Variants in TRIO observed in about 807,000 individuals in gnomAD.
TRIO encodes triple functional domain protein.
Under a neutral mutation model 351.9 loss-of-function variants are expected in TRIO, and 58 were observed. The ratio of observed to expected loss-of-function variants is 0.16; its 90% CI spans 0.13 to 0.21. TRIO has a LOEUF of 0.21. Ranked by LOEUF, TRIO falls within the 10% of genes least tolerant of loss-of-function variation. The probability of loss-of-function intolerance (pLI) is 1.00; values close to 1 mark genes in which losing one functional copy is unlikely to be tolerated. For synonymous variants in TRIO, 1,758 were observed against 1,595.7 expected, an observed-to-expected ratio of 1.10 and a Z score of -2.42; for missense variants, 3,201 against 4,027.8, an observed-to-expected ratio of 0.79 and a Z score of 5.56.
chr5:14,507,804 A>T, intron 56 of TRIO, 76 bp from the exon 57 acceptor site: 1 of 1,527,790 alleles, frequency 6.5e-7, no homozygotes, highest in Non-Finnish European at 8.8e-7. Flanking sequence ...CCACCTCACC[A>T]TAGAGTCCCG....
In TRIO at chr5:14,330,758, G is replaced by C. The variant is rs755006791; in HGVS notation, c.1732-20G>C. 6.2e-7 allele frequency: 1 copy of C among 1,613,106 alleles called. No homozygotes were observed. On this transcript the variant is annotated intron_variant, in intron 9 of 56. Transcript: ENST00000344204. Reference sequence around the variant, plus strand: ...GCAGGACATTGTTTTTATGGCATATGTACCTGTATTTCATTGTAGGTGCTA... The same window carrying C: ...GCAGGACATTGTTTTTATGGCATATCTACCTGTATTTCATTGTAGGTGCTA...
chr5:14,267,352 C>T (rs1795743428), intron 1 of TRIO, among the ~76,000 whole-genome samples: 1 of 152,134 alleles, frequency 6.6e-6, no homozygotes, highest in Admixed American at 6.6e-5. Flanking sequence ...ATCAGGGCCT[C>T]TGTGCGGTGG....
At chr5:14,488,440 C>A (rs1366623633) in intron 48 of TRIO, 180 bp downstream of exon 48, 2 of 855,216 alleles carry the variant, frequency 2.3e-6, no homozygotes, top group East Asian at 5.5e-5. Context: ...ACTAACTACT[C>A]CTTGCTTTGT....
At chr5:14,370,622 G>A (rs1360469002) in intron 18 of TRIO, among the ~76,000 whole-genome samples, 1 of 152,124 alleles carries the variant, frequency 6.6e-6, no homozygotes, top group African/African-American at 2.4e-5. Flanking sequence ...TAACTCTTTG[G>A]AAATTATATC....
At chr5:14,414,833 G>T (rs1016533159) in intron 33 of TRIO, among the ~76,000 whole-genome samples, 4 of 152,180 alleles carry the variant, frequency 2.6e-5, no homozygotes, top group African/African-American at 7.2e-5. Context: ...AGGGCCTGTT[G>T]TTCACGTTAG....
intron 33 of TRIO, among the ~76,000 whole-genome samples, chr5:14,408,840 CT>C (rs1191220740): frequency 6.6e-5 from 10 of 151,788 alleles, no homozygotes; most frequent in Admixed American, 6.6e-4. Context: ...TGGATTTCCC[CT>C]AGACATGAGT....
intron 18 of TRIO, among the ~76,000 whole-genome samples, chr5:14,372,682 AC>A (rs1745224892): frequency 6.6e-6 from 1 of 152,036 alleles, no homozygotes; most frequent in Admixed American, 6.5e-5. Context: ...TCTACATATG[AC>A]TTTTTTTTAG....
chr5:14,408,784 AAGCCCC>A (rs1748935758), intron 33 of TRIO, among the ~76,000 whole-genome samples: 2 of 152,072 alleles, frequency 1.3e-5, no homozygotes, highest in Admixed American at 1.3e-4. Flanking sequence ...GATCACCGTC[AAGCCCC>A]AAATTCCCAT....
chr5:14,479,875 T>C, intron 42 of TRIO, 44 bp from the exon 43 acceptor site: 1 of 1,588,576 alleles, frequency 6.3e-7, no homozygotes, highest in South Asian at 1.1e-5. Flanking sequence ...AATTGCCCTT[T>C]AATGAACAGC....
At chr5:14,442,102 C>T (rs1752097969) in intron 34 of TRIO, among the ~76,000 whole-genome samples, 1 of 152,202 alleles carries the variant, frequency 6.6e-6, no homozygotes, top group South Asian at 2.1e-4. Context: ...CCTTTGACAG[C>T]TCTCTGTCCA....
intron 1 of TRIO, among the ~76,000 whole-genome samples, chr5:14,268,044 C>T (rs1253098643): frequency 6.6e-6 from 1 of 152,226 alleles, no homozygotes; most frequent in African/African-American, 2.4e-5. Flanking sequence ...ACATAAGTTT[C>T]TCATTAATTC....
intron 34 of TRIO, among the ~76,000 whole-genome samples, chr5:14,439,340 C>T (rs1189330160): frequency 6.6e-6 from 1 of 152,174 alleles, no homozygotes; most frequent in African/African-American, 2.4e-5. Context: ...AGTGATCAGT[C>T]CCTAGGGAAA....
chr5:14,201,290 C>T (rs1447293410), intron 1 of TRIO, among the ~76,000 whole-genome samples: 1 of 151,998 alleles, frequency 6.6e-6, no homozygotes, highest in Non-Finnish European at 1.5e-5. Flanking sequence ...AAAAATAAAA[C>T]GTTCTCATCT....
At position 14,286,444 on chromosome 5, in the gene TRIO, G is replaced by C. The variant is rs1309249582; in HGVS notation, c.348-427G>C. On this transcript the variant is annotated intron_variant, in intron 3 of 56. Transcript: ENST00000344204. The surrounding 1 kb of genome is among the most constrained non-coding windows in gnomAD (Gnocchi z 4.4). Reference sequence around the variant, plus strand: ...GGGTAACTGCCGTCCACAGGTCTCAGACTGTCCCCAGTCTGGGTTTTGTTG... The same window carrying C: ...GGGTAACTGCCGTCCACAGGTCTCACACTGTCCCCAGTCTGGGTTTTGTTG... Among the ~76,000 whole-genome samples the C allele has an allele frequency of 3.9e-5, 6 of 152,158 alleles. No homozygotes were observed. The highest frequency in any genetic ancestry group is 1.4e-4 in the African/African-American group (6 of 41,438).
At chr5:14,170,992 A>T (rs1005208372) in intron 1 of TRIO, among the ~76,000 whole-genome samples, 1 of 152,198 alleles carries the variant, frequency 6.6e-6, no homozygotes, top group Non-Finnish European at 1.5e-5. Flanking sequence ...GTAATGAAAA[A>T]TTACTGAAAC....
intron 33 of TRIO, among the ~76,000 whole-genome samples, chr5:14,413,103 G>A (rs550455791): frequency 6.6e-6 from 1 of 152,286 alleles, no homozygotes; most frequent in African/African-American, 2.4e-5. Flanking sequence ...GCTGTTGCAG[G>A]TTACTGTCAA....
At chr5:14,493,710 C>T (rs1270524801) in intron 49 of TRIO, among the ~76,000 whole-genome samples, 1 of 152,184 alleles carries the variant, frequency 6.6e-6, no homozygotes, top group Admixed American at 6.5e-5. Flanking sequence ...AATCAAAAGC[C>T]AGAAGCTTAG....
intron 1 of TRIO, among the ~76,000 whole-genome samples, chr5:14,190,795 C>T (rs1040647858): frequency 2.0e-5 from 3 of 152,106 alleles, no homozygotes; most frequent in African/African-American, 4.8e-5. Flanking sequence ...AAGTGAATGG[C>T]TGTTATGATC....
intron 34 of TRIO, among the ~76,000 whole-genome samples, chr5:14,432,915 A>G (rs776288690): frequency 4.6e-5 from 7 of 152,174 alleles, no homozygotes; most frequent in Admixed American, 3.3e-4. Context: ...TTTTAGCCCT[A>G]TATCTCTCAT....
Sources: allele counts gnomAD v4.1 joint callset (sites outside exome capture counted in the v4.1 genomes callset), GRCh38; gene constraint gnomAD v4.1.1; non-coding constraint Gnocchi (gnomAD v3.1); transcripts MANE v1.5; gene names NCBI Gene and HGNC (gene_info 2026-07-23, HGNC 2026-07-21).